Variants in YES1 observed in about 807,000 individuals in gnomAD.
YES1 encodes the protein YES proto-oncogene 1, Src family tyrosine kinase.
In YES1, 39 loss-of-function variants were observed where a neutral mutation model predicts 70.4. That is an observed-to-expected ratio of 0.55 (90% CI 0.43 to 0.72). The LOEUF (loss-of-function observed/expected upper bound fraction) is 0.72. Ranked by LOEUF, YES1 falls within the 30% of genes least tolerant of loss-of-function variation. YES1 has a pLI of 0.00. For synonymous variants in YES1, 198 were observed against 218.6 expected (o/e 0.91, Z 0.83); for missense variants, 495 against 644.8 (o/e 0.77, Z 2.52).
chr18:783,192 G>A (rs185288530), intron 1 of YES1, among the ~76,000 whole-genome samples: 131 of 152,078 alleles, frequency 8.6e-4, no homozygotes, highest in Middle Eastern at 3.4e-3. Flanking sequence ...GAGTCTGCCT[G>A]GGCAAAATAG....
chr18:741,387 T>A (rs2080215598), intron 8 of YES1, among the ~76,000 whole-genome samples: 1 of 152,140 alleles, frequency 6.6e-6, no homozygotes, highest in African/African-American at 2.4e-5. Flanking sequence ...AATACATGTG[T>A]GTGCAACCAC....
chr18:740,821 A>G (rs983333407), intron 8 of YES1, among the ~76,000 whole-genome samples: 5 of 152,212 alleles, frequency 3.3e-5, no homozygotes, highest in African/African-American at 9.7e-5. Flanking sequence ...AATTCTTAAA[A>G]TTAATATACA....
chr18:770,677 G>T (rs1162048908), intron 1 of YES1, among the ~76,000 whole-genome samples: 3 of 152,132 alleles, frequency 2.0e-5, no homozygotes, highest in African/African-American at 7.2e-5. Context: ...GTGGGTGGGT[G>T]CCTGTAAAGC....
At chr18:812,660 G>GAACCCACCCGCGGCGTCCCTTCCCACCCT (rs1568226566), upstream of YES1, 5 of 152,566 alleles carry the variant, frequency 3.3e-5, no homozygotes, top group Non-Finnish European at 7.3e-5. Flanking sequence ...CTTCCCACCC[G>GAACCCACCCGCGGCGTCCCTTCCCACCCT]CGAACCCACC....
chr18:735,309 CT>C (rs1222593815), intron 10 of YES1, among the ~76,000 whole-genome samples: 17 of 152,056 alleles, frequency 1.1e-4, no homozygotes, highest in Admixed American at 5.9e-4. Flanking sequence ...CCATGGTATA[CT>C]ACTCAGCCGT....
chr18:763,599 A>G (rs1004680885), intron 1 of YES1, among the ~76,000 whole-genome samples: 1 of 145,614 alleles, frequency 6.9e-6, no homozygotes, highest in Non-Finnish European at 1.5e-5. Flanking sequence ...GCTACTTGGG[A>G]GGTTGAGGTG....
intron 1 of YES1, among the ~76,000 whole-genome samples, chr18:766,757 G>A (rs1261914401): frequency 1.3e-5 from 2 of 152,034 alleles, no homozygotes; most frequent in South Asian, 2.1e-4. Context: ...TTAAACTAAA[G>A]TGTCTGTTCA....
chr18:811,552 T>G (rs938267265), intron 1 of YES1, among the ~76,000 whole-genome samples: 3 of 152,206 alleles, frequency 2.0e-5, no homozygotes, highest in Admixed American at 6.5e-5. Flanking sequence ...GGACGCTGAA[T>G]GGTAAATTTC....
At chr18:731,796 T>C (rs1275347487) in intron 11 of YES1, among the ~76,000 whole-genome samples, 38 of 151,584 alleles carry the variant, frequency 2.5e-4, no homozygotes, top group Admixed American at 6.6e-5. Flanking sequence ...TGAAACCCCG[T>C]CTCTACTAAA....
chr18:750,859 A>C (rs1170638730), intron 3 of YES1, among the ~76,000 whole-genome samples: 1 of 152,216 alleles, frequency 6.6e-6, no homozygotes, highest in Non-Finnish European at 1.5e-5. Flanking sequence ...AAAAAGAAAC[A>C]GTATGTGTGA....
chr18:754,871 G>A (rs1598908248), intron 2 of YES1, among the ~76,000 whole-genome samples: 1 of 151,972 alleles, frequency 6.6e-6, no homozygotes, highest in East Asian at 1.9e-4. Flanking sequence ...ATTAATTATT[G>A]TCCAACCCTC....
At chr18:755,412 C>T (rs955480888) in intron 2 of YES1, among the ~76,000 whole-genome samples, 4 of 152,080 alleles carry the variant, frequency 2.6e-5, no homozygotes, top group African/African-American at 9.7e-5. Context: ...CCACACCTGG[C>T]TAATTTTTTT....
intron 4 of YES1, among the ~76,000 whole-genome samples, chr18:747,632 A>T (rs1366414391): frequency 6.6e-6 from 1 of 152,210 alleles, no homozygotes; most frequent in Non-Finnish European, 1.5e-5. Flanking sequence ...GAAGTGAGAC[A>T]GTCTGAAAAA....
At chr18:806,239 T>G (rs958329007) in intron 1 of YES1, among the ~76,000 whole-genome samples, 1 of 152,230 alleles carries the variant, frequency 6.6e-6, no homozygotes, top group Non-Finnish European at 1.5e-5. Context: ...CTTTCTTCAC[T>G]AAAATAGTAC....
intron 2 of YES1, among the ~76,000 whole-genome samples, chr18:753,660 A>AT (rs1415625206): frequency 6.6e-6 from 1 of 151,764 alleles, no homozygotes; most frequent in African/African-American, 2.4e-5. Flanking sequence ...TAATTTTTGT[A>AT]TTTTTTGTAG....
At chr18:763,675 T>C (rs1023522336) in intron 1 of YES1, among the ~76,000 whole-genome samples, 30 of 121,522 alleles carry the variant, frequency 2.5e-4, no homozygotes, top group Admixed American at 1.6e-3. Flanking sequence ...CTGCACTCCA[T>C]CCTGGATGAC....
intron 1 of YES1, among the ~76,000 whole-genome samples, chr18:761,255 A>G (rs2145753055): frequency 6.6e-6 from 1 of 152,286 alleles, no homozygotes; most frequent in South Asian, 2.1e-4. Context: ...AAAAAAAAAA[A>G]AAAAGTTTAA....
intron 1 of YES1, among the ~76,000 whole-genome samples, chr18:761,179 G>A (rs544851276): frequency 2.0e-5 from 3 of 151,740 alleles, no homozygotes; most frequent in South Asian, 2.1e-4. Flanking sequence ...AAACTGGGAG[G>A]GGGAAAGGTC....
In YES1 at chr18:736,924, T is replaced by C; in HGVS notation, c.1175A>G (p.Tyr392Cys). ...AGCAGCCCGAAGATCTCGGTGAATATAGTTCATTCTTTCAATATATGCCAT... is the reference window on the plus strand; with the variant it reads ...AGCAGCCCGAAGATCTCGGTGAATACAGTTCATTCTTTCAATATATGCCAT... ...DGMAYIERMN[Y>C]IHRDLRAANI... Residue 392 changes from tyrosine to cysteine, a missense_variant, in exon 10 of 12, where the codon TAT (tyrosine) becomes TGT (cysteine). By Grantham distance (194) the Tyr-to-Cys change is radical. Transcript: ENST00000314574. The C allele has an allele frequency of 1.2e-6, 2 of 1,611,376 alleles. No homozygotes were observed. The highest frequency in any genetic ancestry group is 1.7e-6 in the Non-Finnish European group (2 of 1,179,960).
Sources: gnomAD v4.1 joint callset for allele counts (sites outside exome capture counted in the v4.1 genomes callset) on GRCh38, gnomAD v4.1.1 for gene constraint, MANE v1.5 for transcripts, NCBI Gene and HGNC (gene_info 2026-07-23, HGNC 2026-07-21) for gene names.